Variants in SPOCK3 observed in about 807,000 individuals in gnomAD.
SPOCK3 encodes the protein testican-3.
Under a neutral mutation model 56.6 loss-of-function variants are expected in SPOCK3, and 30 were observed. The ratio of observed to expected loss-of-function variants is 0.53; its 90% confidence interval spans 0.40 to 0.72. SPOCK3 has a LOEUF of 0.72. Among genes scored for constraint, SPOCK3 ranks in the 30% least tolerant of loss-of-function variants. SPOCK3 has a pLI of 0.00. For missense variants in SPOCK3, 527 were observed against 530.0 expected (o/e 0.99, Z 0.06); for synonymous variants, 196 against 183.3 (o/e 1.07, Z -0.56).
rs1022901599 is a variant in SPOCK3 at position 166,801,803 on chromosome 4, G to T, written c.590-9514C>A. Among the ~76,000 whole-genome samples the T allele has an allele frequency of 5.9e-5, 9 of 152,174 alleles. No homozygotes were observed. In the South Asian group the frequency reaches 1.5e-3, roughly 25 times the overall value. ...AACAACTCAATGAAGGTTAGAAAAA[G>T]TTCTCCAATATAAAGTAGCATAAAT... On this transcript the variant is annotated intron_variant, in intron 6 of 10. Transcript: ENST00000357545.
chr4:166,813,387 A>AC (rs1435276018), intron 6 of SPOCK3, among the ~76,000 whole-genome samples: 5 of 152,066 alleles, frequency 3.3e-5, no homozygotes, highest in Non-Finnish European at 7.4e-5. Flanking sequence ...TGAGGAATGT[A>AC]CCTGAAGTGA....
intron 4 of SPOCK3, among the ~76,000 whole-genome samples, chr4:166,950,286 C>G (rs1054052381): frequency 6.6e-6 from 1 of 151,438 alleles, no homozygotes; most frequent in Non-Finnish European, 1.5e-5. Context: ...GGTTGCAATC[C>G]TAGTCTCTGA....
At chr4:166,986,648 G>C (rs1185193775) in intron 4 of SPOCK3, among the ~76,000 whole-genome samples, 2 of 152,070 alleles carry the variant, frequency 1.3e-5, no homozygotes, top group Non-Finnish European at 2.9e-5. Flanking sequence ...ACCAAGTGAA[G>C]TGGGAAAACT....
rs776353764 is a variant in SPOCK3, at chr4:167,234,180, G to A, written c.1-7C>T. Reference sequence around the variant, plus strand: ...CGGCTGACACCTTGAGCATCTGGGAGAGGAGACACAACGGGGGGTGGGGGG... The same window carrying A: ...CGGCTGACACCTTGAGCATCTGGGAAAGGAGACACAACGGGGGGTGGGGGG... On this transcript the variant is annotated splice_region_variant and splice_polypyrimidine_tract_variant and intron_variant, in intron 1 of 10. Transcript: ENST00000357545. The A allele has an allele frequency of 4.0e-5, 65 of 1,610,994 alleles. No individual in the cohort carries two copies. Among genetic ancestry groups the A allele is most frequent in the Non-Finnish European group, 5.1e-5 (60 of 1,177,968 alleles).
At position 166,819,949 on chromosome 4, in the gene SPOCK3, T is replaced by C. The variant is rs370965681; in HGVS notation, c.590-27660A>G. On this transcript the variant is annotated intron_variant, in intron 6 of 10. Transcript: ENST00000357545. Reference sequence around the variant, plus strand: ...ATTGCCTAGGGTCATCTTGAACTCCTGGCCTCAAGTGACCTTCCTGCCTCA... The same window carrying C: ...ATTGCCTAGGGTCATCTTGAACTCCCGGCCTCAAGTGACCTTCCTGCCTCA... Among the ~76,000 whole-genome samples the C allele has an allele frequency of 1.9e-4, 29 of 152,142 alleles. No homozygotes were observed. The East Asian group carries it at 3.9e-3, about 20-fold the overall frequency.
chr4:167,000,488 T>A, intron 3 of SPOCK3, 25 bp from the exon 4 acceptor site: 1 of 1,170,506 alleles, frequency 8.5e-7, no homozygotes, highest in Non-Finnish European at 1.3e-6. Context: ...AAGAAAATAT[T>A]AAAATAAGCT....
At chr4:167,206,409 G>GTA in intron 2 of SPOCK3, among the ~76,000 whole-genome samples, 1 of 151,924 alleles carries the variant, frequency 6.6e-6, no homozygotes, top group Admixed American at 6.6e-5. Flanking sequence ...TAACATATAT[G>GTA]TGTATAAATA....
chr4:167,060,146 TATA>T (rs1340165223), intron 3 of SPOCK3, among the ~76,000 whole-genome samples: 3 of 151,158 alleles, frequency 2.0e-5, no homozygotes, highest in African/African-American at 7.3e-5. Flanking sequence ...AAACTTAAAG[TATA>T]ATAATAATAA....
chr4:166,781,835 C>G (rs962966193), intron 7 of SPOCK3, among the ~76,000 whole-genome samples: 3 of 152,016 alleles, frequency 2.0e-5, no homozygotes, highest in Non-Finnish European at 2.9e-5. Flanking sequence ...AGCTGAAACC[C>G]ACAAGCCAGA....
intron 5 of SPOCK3, among the ~76,000 whole-genome samples, chr4:166,889,511 T>C (rs1334949430): frequency 1.3e-5 from 2 of 152,022 alleles, no homozygotes; most frequent in East Asian, 1.9e-4. Context: ...TCATTCTTAG[T>C]TTGTCAGATC....
At chr4:167,031,091 A>G (rs1297432806) in intron 3 of SPOCK3, among the ~76,000 whole-genome samples, 3 of 152,042 alleles carry the variant, frequency 2.0e-5, no homozygotes, top group African/African-American at 7.2e-5. Context: ...TTTAATCTTC[A>G]CCTTAATGTT....
At position 166,902,155 on chromosome 4, in the gene SPOCK3, T is replaced by G. The variant is rs536224057; in HGVS notation, c.474+10465A>C. 2.6e-5 allele frequency among the ~76,000 whole-genome samples: 4 copies of G among 152,274 alleles called. No homozygotes were observed. In the South Asian group the frequency reaches 8.3e-4, roughly 32 times the overall value. The stretch of plus-strand genomic sequence containing the variant: ...ATACTGGCTTTTGAATTTTAAAAAT[T>G]TTCTTTCAATATTTTAAGTGTACAT... On this transcript the variant is annotated intron_variant, in intron 5 of 10. Coordinates refer to ENST00000357545, the MANE Select transcript of SPOCK3 (RefSeq NM_001040159.2).
intron 8 of SPOCK3, among the ~76,000 whole-genome samples, chr4:166,744,957 G>A (rs534823940): frequency 6.6e-6 from 1 of 152,030 alleles, no homozygotes; most frequent in Non-Finnish European, 1.5e-5. Flanking sequence ...AAAAATAAAC[G>A]AACAAAGCCT....
intron 3 of SPOCK3, among the ~76,000 whole-genome samples, chr4:167,046,551 G>A (rs13126575): frequency 6.7e-6 from 1 of 148,170 alleles, no homozygotes; most frequent in African/African-American, 2.5e-5. Context: ...TGCCACCGGG[G>A]TTCAAGTGAC....
intron 4 of SPOCK3, among the ~76,000 whole-genome samples, chr4:166,977,658 A>G (rs1473791458): frequency 6.6e-6 from 1 of 152,006 alleles, no homozygotes; most frequent in Non-Finnish European, 1.5e-5. Context: ...TATTTGGAGG[A>G]TTTGAGTATC....
At chr4:166,762,628 C>G (rs1041809958) in intron 7 of SPOCK3, among the ~76,000 whole-genome samples, 1 of 152,090 alleles carries the variant, frequency 6.6e-6, no homozygotes, top group African/African-American at 2.4e-5. Context: ...GTTGAAGGAA[C>G]TGCCCAGAGA....
chr4:166,966,836 T>A (rs986363254), intron 4 of SPOCK3, among the ~76,000 whole-genome samples: 1 of 152,138 alleles, frequency 6.6e-6, no homozygotes, highest in Non-Finnish European at 1.5e-5. Context: ...AGTTTATAGA[T>A]CACACTTTGA....
intron 4 of SPOCK3, 68 bp from the exon 5 acceptor site, chr4:166,912,811 T>C (rs1323340037): frequency 5.1e-6 from 7 of 1,373,268 alleles, no homozygotes; most frequent in Non-Finnish European, 6.7e-6. Context: ...ATTAGCTCAT[T>C]CCTCTCCTAA....
chr4:166,738,224 CTG>C (rs138267654), intron 9 of SPOCK3, among the ~76,000 whole-genome samples: 5 of 151,272 alleles, frequency 3.3e-5, no homozygotes, highest in African/African-American at 7.3e-5. Context: ...CTTCCATTCT[CTG>C]TGTGTGTGTG....
Sources: allele counts gnomAD v4.1 joint callset (sites outside exome capture counted in the v4.1 genomes callset), GRCh38; gene constraint gnomAD v4.1.1; transcripts MANE v1.5; gene names NCBI Gene and HGNC (gene_info 2026-07-23, HGNC 2026-07-21).